The following CELSR1 variants were observed in gnomAD, a reference collection of about 807,000 sequenced individuals.
CELSR1 encodes the protein adhesion G protein-coupled receptor C1.
CELSR1 carries 110 observed loss-of-function variants against 249.1 expected under a neutral mutation model. That is an observed-to-expected ratio of 0.44 (90% CI 0.38 to 0.52). The LOEUF (loss-of-function observed/expected upper bound fraction) is 0.52. Among genes scored for constraint, CELSR1 ranks in the 20% least tolerant of loss-of-function variants. The pLI is 0.00. For missense variants in CELSR1, 4,109 were observed against 4,296.4 expected, an observed-to-expected ratio of 0.96 and a Z score of 1.22; for synonymous variants, 2,113 against 1,900.0, an observed-to-expected ratio of 1.11 and a Z score of -2.92.
At position 46,411,705 on chromosome 22, in the gene CELSR1, C is replaced by A; in HGVS notation, c.4666G>T (p.Val1556Leu). 1 of 1,614,238 alleles carries A rather than the reference C, an allele frequency of 6.2e-7. No individual in the cohort carries two copies. The highest frequency in any genetic ancestry group is 8.5e-7 in the Non-Finnish European group (1 of 1,180,050). The change falls in exon 6 of 35, where the codon GTG (valine) becomes TTG (leucine). Residue 1556 changes from valine (V) to leucine (L), a missense_variant. Physicochemically the swap from Val to Leu is conservative, Grantham distance 32 (BLOSUM62 1). This residue lies in a region of CELSR1 where 453 missense variants were observed against 492.0 expected (regional missense o/e 0.92). Transcript: ENST00000674500. This position sits in a 1 kb window ranked among gnomAD's most constrained non-coding sequence, Gnocchi z 4.2. ...PHGPSGEKMA[V>L]VTVDDCDTTM... The stretch of plus-strand genomic sequence containing the variant: ...GTGTCACAATCATCCACTGTCACCA[C>A]GGCCATCTTTTCCCCGGACGGCCCA...
rs893514448 is a variant in CELSR1 at position 46,361,837 on chromosome 22, C to T, written c.*1386G>A. On this transcript the variant is annotated 3_prime_UTR_variant, in exon 35 of 35. Coordinates refer to ENST00000674500, the MANE Select transcript of CELSR1 (RefSeq NM_001378328.1). ...CACCTGATTTGAAGAACAAAGGAAA[C>T]GCTAAAATCAAACATGTCTGACAGT... The T allele has an allele frequency of 3.3e-5, 5 of 152,252 alleles. No individual in the cohort carries two copies. Among genetic ancestry groups the T allele is most frequent in the Admixed American group, 6.5e-5 (1 of 15,284 alleles). 9.4% of individuals were successfully genotyped at this position (152,252 alleles called of 1,614,324 possible).
chr22:46,364,998 G>A (rs972362116), intron 32 of CELSR1, among the ~76,000 whole-genome samples: 4 of 152,212 alleles, frequency 2.6e-5, no homozygotes, highest in Admixed American at 6.5e-5. Flanking sequence ...TGCGGTGACA[G>A]TCCACAGAGA....
chr22:46,375,172 C>T (rs2078905494), intron 24 of CELSR1, among the ~76,000 whole-genome samples: 2 of 152,312 alleles, frequency 1.3e-5, no homozygotes, highest in African/African-American at 4.8e-5. Context: ...AGGTTCCAGC[C>T]TGGTCTTTTT....
At chr22:46,461,936 C>T (rs900498833) in intron 2 of CELSR1, among the ~76,000 whole-genome samples, 2 of 152,160 alleles carry the variant, frequency 1.3e-5, no homozygotes, top group Non-Finnish European at 2.9e-5. Context: ...CACTCAAGGC[C>T]GTGAGGGGCA....
chr22:46,478,644 G>A (rs1054321133), intron 1 of CELSR1, among the ~76,000 whole-genome samples: 3 of 151,786 alleles, frequency 2.0e-5, no homozygotes, highest in African/African-American at 7.3e-5. Context: ...CCGGGTTCAA[G>A]CGATTCTCCT....
Position 46,363,969 on chromosome 22 carries a change from C to A in CELSR1, c.9035+27G>T, listed in dbSNP as rs2078734874. 1 of 1,560,386 alleles carries A rather than the reference C, an allele frequency of 6.4e-7. No individual in the cohort carries two copies. Among genetic ancestry groups the A allele is most frequent in the Non-Finnish European group, 8.7e-7 (1 of 1,154,586 alleles). On this transcript the variant is annotated intron_variant, in intron 34 of 34. Coordinates refer to ENST00000674500, the MANE Select transcript of CELSR1 (RefSeq NM_001378328.1). This position sits in a 1 kb window ranked among gnomAD's most constrained non-coding sequence, Gnocchi z 4.3. Reference sequence around the variant, plus strand: ...CAGGACAAGGGGGAAGTGGGTGATCCCCGCCCTGGAGGCCCAGGCTACTCA... The same window carrying A: ...CAGGACAAGGGGGAAGTGGGTGATCACCGCCCTGGAGGCCCAGGCTACTCA...
intron 5 of CELSR1, among the ~76,000 whole-genome samples, chr22:46,426,482 C>G (rs766573511): frequency 6.6e-6 from 1 of 152,114 alleles, no homozygotes; most frequent in Non-Finnish European, 1.5e-5. Flanking sequence ...CCTCACATGA[C>G]AGAAGGGGTG....
rs201107590 is a variant in CELSR1 at position 46,535,961 on chromosome 22, C to T, written c.1210G>A (p.Glu404Lys). The T allele has an allele frequency of 2.7e-4, 427 of 1,610,308 alleles. No individual in the cohort carries two copies. The highest frequency in any genetic ancestry group is 3.4e-4 in the Non-Finnish European group (407 of 1,179,876). ...CGTGTGCTCACCACGCCAGAGCTCTCGTTGAGCTGGAAGACGTCCCACGCG... is the reference window on the plus strand; with the variant it reads ...CGTGTGCTCACCACGCCAGAGCTCTTGTTGAGCTGGAAGACGTCCCACGCG... ...GGAWDVFQLN[E>K]SSGVVSTRAV... Residue 404 changes from glutamate to lysine, a missense_variant, in exon 1 of 35, where the codon GAG (glutamate) becomes AAG (lysine). By Grantham distance (56) the Glu-to-Lys change is moderately conservative (BLOSUM62 1). This residue lies in a region of CELSR1 where 673 missense variants were observed against 636.8 expected (regional missense o/e 1.06). Coordinates refer to ENST00000674500, the MANE Select transcript of CELSR1 (RefSeq NM_001378328.1).
At chr22:46,514,758 G>T (rs892121841) in intron 1 of CELSR1, among the ~76,000 whole-genome samples, 2 of 152,082 alleles carry the variant, frequency 1.3e-5, no homozygotes, top group African/African-American at 4.8e-5. Flanking sequence ...TGAATGAATT[G>T]CCCAGCCCTG....
Position 46,473,865 on chromosome 22 carries a change from G to A in CELSR1, c.3545-9520C>T, listed in dbSNP as rs1434705641. Among the ~76,000 whole-genome samples the A allele has an allele frequency of 6.6e-6, 1 of 152,112 alleles. No homozygotes were observed. Among genetic ancestry groups the A allele is most frequent in the Non-Finnish European group, 1.5e-5 (1 of 68,004 alleles). On this transcript the variant is annotated intron_variant, in intron 1 of 34. Coordinates refer to ENST00000674500, the MANE Select transcript of CELSR1 (RefSeq NM_001378328.1). This position sits in a 1 kb window ranked among gnomAD's most constrained non-coding sequence, Gnocchi z 6.6. Reference sequence around the variant, plus strand: ...CAGATTGGGGCCAGACAACAGGTGCGATGTGTTGATCCTGCTACCTGAGGG... The same window carrying A: ...CAGATTGGGGCCAGACAACAGGTGCAATGTGTTGATCCTGCTACCTGAGGG...
intron 20 of CELSR1, 85 bp downstream of exon 20, chr22:46,384,458 G>T: frequency 6.9e-7 from 1 of 1,445,592 alleles, no homozygotes. Flanking sequence ...TCAGTGCGCA[G>T]GTCCTGCGAT....
At position 46,384,756 on chromosome 22, in the gene CELSR1, GACC is replaced by G. The variant is rs2147231033; in HGVS notation, c.6740-73_6740-71del. ...CTTGAACCCCTGCTGTTTTCAAAAT[GACC>G]ACAACTGTCACACTGACGCTGGCTG... is the stretch of plus-strand genomic sequence containing the variant. On this transcript the variant is annotated intron_variant, in intron 19 of 34. Coordinates refer to ENST00000674500, the MANE Select transcript of CELSR1 (RefSeq NM_001378328.1). The G allele has an allele frequency of 4.7e-6, 7 of 1,480,008 alleles. No individual in the cohort carries two copies. In the South Asian group the frequency reaches 8.1e-5, roughly 17 times the overall value. The allele number at this position is 1,480,008 out of a possible 1,614,324, so 91.7% of individuals were successfully genotyped here.
Position 46,391,471 on chromosome 22 carries a change from AC to A in CELSR1, c.6148+161del, listed in dbSNP as rs2079090499. 6.6e-6 allele frequency among the ~76,000 whole-genome samples: 1 copy of A among 151,052 alleles called. No homozygotes were observed. Among genetic ancestry groups the A allele is most frequent in the South Asian group, 2.1e-4 (1 of 4,772 alleles). On this transcript the variant is annotated intron_variant, in intron 15 of 34. Transcript: ENST00000674500. The surrounding 1 kb of genome is among the most constrained non-coding windows in gnomAD (Gnocchi z 4.3). ...GAGGGGTGACCAGGCTCTGACCCACACCCCCTCACGCAGAACCAGGTTTCTA... is the reference window on the plus strand; with the variant it reads ...GAGGGGTGACCAGGCTCTGACCCACACCCCTCACGCAGAACCAGGTTTCTA...
chr22:46,370,874 T>C (rs1369242739), intron 25 of CELSR1, among the ~76,000 whole-genome samples: 1 of 152,208 alleles, frequency 6.6e-6, no homozygotes, highest in African/African-American at 2.4e-5. Context: ...AAGACAGACC[T>C]AAGTGTTAAA....
In CELSR1 at chr22:46,374,857, T is replaced by C. The variant is rs568980702; in HGVS notation, c.7585-1800A>G. ...AACCCCTCCGCAGGAGCAGCGACCC[T>C]GCCATATGGGCCCCGCACACGGAGC... On this transcript the variant is annotated intron_variant, in intron 24 of 34. Coordinates refer to ENST00000674500, the MANE Select transcript of CELSR1 (RefSeq NM_001378328.1). This position sits in a 1 kb window ranked among gnomAD's most constrained non-coding sequence, Gnocchi z 4.3. 1.3e-5 allele frequency among the ~76,000 whole-genome samples: 2 copies of C among 152,290 alleles called. No homozygotes were observed. The highest frequency in any genetic ancestry group is 3.9e-4 in the East Asian group (2 of 5,160).
chr22:46,389,536 A>C (rs775845153), intron 17 of CELSR1, 37 bp from the exon 18 acceptor site: 17 of 1,602,600 alleles, frequency 1.1e-5, no homozygotes, highest in Non-Finnish European at 1.4e-5. Flanking sequence ...GTGCAAACCC[A>C]CTTCGGCCGC....
At chr22:46,365,162 C>T in intron 32 of CELSR1, 69 bp downstream of exon 32, 5 of 1,541,808 alleles carry the variant, frequency 3.2e-6, no homozygotes, top group Non-Finnish European at 3.5e-6. Context: ...GGGACCCAGC[C>T]ATAGCCAAGG....
rs1238830752 is a variant in CELSR1 at position 46,398,785 on chromosome 22, C to G, written c.5413-148G>C. 3.3e-6 allele frequency: 2 copies of G among 604,682 alleles called. No individual in the cohort carries two copies. Among genetic ancestry groups the G allele is most frequent in the Non-Finnish European group, 5.6e-6 (2 of 356,226 alleles). 37.5% of individuals were successfully genotyped at this position (604,682 alleles called of 1,614,324 possible). ...GACATCTGGGCCTCCAAAGAGAGAG[C>G]TGGGCCCAGCTGGACAGCGAGGCTG... On this transcript the variant is annotated intron_variant, in intron 10 of 34. Coordinates refer to ENST00000674500, the MANE Select transcript of CELSR1 (RefSeq NM_001378328.1). The surrounding 1 kb of genome is among the most constrained non-coding windows in gnomAD (Gnocchi z 7.2).
intron 1 of CELSR1, among the ~76,000 whole-genome samples, chr22:46,528,843 G>C (rs964072009): frequency 6.6e-6 from 1 of 151,580 alleles, no homozygotes; most frequent in Non-Finnish European, 1.5e-5. Context: ...GCAGGAGAAC[G>C]GCGTGAACCC....
Sources: allele counts gnomAD v4.1 joint callset (sites outside exome capture counted in the v4.1 genomes callset), GRCh38; gene constraint gnomAD v4.1.1; regional missense constraint gnomAD v4.1.1; non-coding constraint Gnocchi (gnomAD v3.1); transcripts MANE v1.5; gene names NCBI Gene and HGNC (gene_info 2026-07-23, HGNC 2026-07-21).